The following HS6ST3 variants were observed in gnomAD, a reference collection of about 807,000 sequenced individuals.
HS6ST3 encodes heparan-sulfate 6-O-sulfotransferase 3.
A neutral mutation model predicts 36.7 loss-of-function variants in HS6ST3; 12 were observed. That is an observed-to-expected ratio of 0.33 (90% CI 0.21 to 0.53). The LOEUF is 0.53. Among genes scored for constraint, HS6ST3 ranks in the 20% least tolerant of loss-of-function variants. The pLI, the probability that HS6ST3 is intolerant of heterozygous loss-of-function variation, is 0.95. For missense variants in HS6ST3, 584 were observed against 640.9 expected, an observed-to-expected ratio of 0.91 and a Z score of 0.96; for synonymous variants, 240 against 257.5, an observed-to-expected ratio of 0.93 and a Z score of 0.65.
chr13:96,222,256 CA>C (rs1162655009), intron 1 of HS6ST3, among the ~76,000 whole-genome samples: 1 of 152,078 alleles, frequency 6.6e-6, no homozygotes, highest in Non-Finnish European at 1.5e-5. Flanking sequence ...GGACAAACTA[CA>C]TAAGACAAAG....
chr13:96,529,164 A>G (rs1021171199), intron 1 of HS6ST3, among the ~76,000 whole-genome samples: 2 of 152,172 alleles, frequency 1.3e-5, no homozygotes, highest in Non-Finnish European at 2.9e-5. Flanking sequence ...CTTGAAGCCA[A>G]ATTGAGAACT....
intron 1 of HS6ST3, among the ~76,000 whole-genome samples, chr13:96,516,280 G>A (rs2056072414): frequency 6.6e-6 from 1 of 151,940 alleles, no homozygotes; most frequent in African/African-American, 2.4e-5. Context: ...TGGCCAGGCT[G>A]GTCTTGAACT....
At chr13:96,414,406 TACATTTACCCA>T (rs1446535262) in intron 1 of HS6ST3, among the ~76,000 whole-genome samples, 12 of 152,204 alleles carry the variant, frequency 7.9e-5, no homozygotes, top group Admixed American at 4.6e-4. Flanking sequence ...TCCAAAGAGG[TACATTTACCCA>T]AAGCCAAATA....
chr13:96,618,467 A>T (rs1566412737), intron 1 of HS6ST3, among the ~76,000 whole-genome samples: 1 of 152,172 alleles, frequency 6.6e-6, no homozygotes, highest in African/African-American at 2.4e-5. Context: ...ATGATATATG[A>T]AAAACAAGAA....
At chr13:96,563,017 A>G (rs1467753669) in intron 1 of HS6ST3, among the ~76,000 whole-genome samples, 1 of 150,382 alleles carries the variant, frequency 6.6e-6, no homozygotes, top group Non-Finnish European at 1.5e-5. Context: ...TAGACTGAGC[A>G]ATGGAGCCAG....
At chr13:96,284,486 A>T in intron 1 of HS6ST3, among the ~76,000 whole-genome samples, 1 of 152,164 alleles carries the variant, frequency 6.6e-6, no homozygotes, top group East Asian at 1.9e-4. Context: ...CAGAGGTCTA[A>T]GTCAGTCTAG....
chr13:96,769,512 A>T (rs1316548921), intron 1 of HS6ST3, among the ~76,000 whole-genome samples: 2 of 143,612 alleles, frequency 1.4e-5, no homozygotes, highest in Non-Finnish European at 3.0e-5. Flanking sequence ...TAATGCAGAC[A>T]TACATTCTAT....
At chr13:96,117,828 A>G (rs922972972) in intron 1 of HS6ST3, among the ~76,000 whole-genome samples, 11 of 151,998 alleles carry the variant, frequency 7.2e-5, no homozygotes, top group Admixed American at 3.3e-4. Context: ...CCTGCCCCCA[A>G]ATTTATGGTT....
At chr13:96,226,352 C>T (rs1487761948) in intron 1 of HS6ST3, among the ~76,000 whole-genome samples, 1 of 152,060 alleles carries the variant, frequency 6.6e-6, no homozygotes, top group Non-Finnish European at 1.5e-5. Flanking sequence ...GAAACCCCGT[C>T]TCTACTAAAA....
At chr13:96,646,951 A>G (rs1051679030) in intron 1 of HS6ST3, among the ~76,000 whole-genome samples, 1 of 151,984 alleles carries the variant, frequency 6.6e-6, no homozygotes, top group Non-Finnish European at 1.5e-5. Context: ...CGAGCATTCA[A>G]CTACAATTTG....
At chr13:96,181,352 C>A (rs1465852594) in intron 1 of HS6ST3, among the ~76,000 whole-genome samples, 6 of 152,164 alleles carry the variant, frequency 3.9e-5, no homozygotes, top group Admixed American at 3.9e-4. Context: ...TTTCCTATTG[C>A]GAGTCATTTA....
intron 1 of HS6ST3, among the ~76,000 whole-genome samples, chr13:96,779,903 T>C (rs1291859301): frequency 6.6e-6 from 1 of 152,202 alleles, no homozygotes; most frequent in Non-Finnish European, 1.5e-5. Flanking sequence ...TCATAACCTA[T>C]GACCAGATTG....
intron 1 of HS6ST3, among the ~76,000 whole-genome samples, chr13:96,196,539 G>A (rs1467571060): frequency 3.9e-5 from 6 of 152,198 alleles, no homozygotes; most frequent in Non-Finnish European, 7.3e-5. Flanking sequence ...GAGAGAATGA[G>A]TAACTTCTCA....
intron 1 of HS6ST3, among the ~76,000 whole-genome samples, chr13:96,704,615 GGAAGAAGCCAGAT>G (rs1309449493): frequency 6.6e-6 from 1 of 152,144 alleles, no homozygotes; most frequent in African/African-American, 2.4e-5. Flanking sequence ...AGAAGCCTGA[GGAAGAAGCCAGAT>G]GCAGGTCCTC....
intron 1 of HS6ST3, among the ~76,000 whole-genome samples, chr13:96,391,892 G>T (rs1055010025): frequency 6.6e-6 from 1 of 152,178 alleles, no homozygotes; most frequent in African/African-American, 2.4e-5. Flanking sequence ...GTTGTGAATA[G>T]CATCTACCCT....
intron 1 of HS6ST3, among the ~76,000 whole-genome samples, chr13:96,796,212 C>T (rs566153202): frequency 3.3e-5 from 5 of 152,014 alleles, no homozygotes; most frequent in South Asian, 4.1e-4. Context: ...GTTGCTGGCC[C>T]TTATTTGAAT....
Position 96,459,100 on chromosome 13 carries a change from T to TAAAAAAAAAAAAAA in HS6ST3, c.707+367543_707+367556dup, listed in dbSNP as rs747439262. 3.9e-4 allele frequency among the ~76,000 whole-genome samples: 25 copies of TAAAAAAAAAAAAAA among 63,886 alleles called. 1 individual carries two copies. Among genetic ancestry groups the TAAAAAAAAAAAAAA allele is most frequent in the Non-Finnish European group, 5.1e-4 (19 of 37,352 alleles). The allele number at this position is 63,886 out of a possible 152,430, so 41.9% of individuals were successfully genotyped here. On this transcript the variant is annotated intron_variant, in intron 1 of 1. Coordinates refer to ENST00000376705, the MANE Select transcript of HS6ST3 (RefSeq NM_153456.4). The stretch of plus-strand genomic sequence containing the variant: ...GCCTGGGCGACAGAGCAAGACTGTC[T>TAAAAAAAAAAAAAA]AAAAAAAAAAAAAAAAAAAAAAAAA...
chr13:96,785,203 T>C (rs1191888949), intron 1 of HS6ST3, among the ~76,000 whole-genome samples: 5 of 152,080 alleles, frequency 3.3e-5, no homozygotes, highest in African/African-American at 9.7e-5. Flanking sequence ...ATTTTGATGA[T>C]GTGACTCCAA....
At chr13:96,198,207 T>G (rs1048508669) in intron 1 of HS6ST3, among the ~76,000 whole-genome samples, 1 of 152,194 alleles carries the variant, frequency 6.6e-6, no homozygotes, top group Non-Finnish European at 1.5e-5. Flanking sequence ...GGGCACCAAG[T>G]GCCTGGGCTG....
Sources: allele counts gnomAD v4.1 joint callset (sites outside exome capture counted in the v4.1 genomes callset), GRCh38; gene constraint gnomAD v4.1.1; transcripts MANE v1.5; gene names NCBI Gene and HGNC (gene_info 2026-07-23, HGNC 2026-07-21).